AUTS2: variants seen among roughly 807,000 people sequenced by gnomAD.
The protein encoded by AUTS2 is activator of transcription and developmental regulator AUTS2.
Under a neutral mutation model 112.4 loss-of-function variants are expected in AUTS2, and 17 were observed. That is an observed-to-expected ratio of 0.15 (90% confidence interval 0.10 to 0.23). The LOEUF is 0.23. Ranked by LOEUF, AUTS2 falls within the 10% of genes least tolerant of loss-of-function variation. The pLI is 1.00. For missense variants in AUTS2, 1,510 were observed against 1,701.6 expected, an observed-to-expected ratio of 0.89 and a Z score of 1.98; for synonymous variants, 751 against 702.7, an observed-to-expected ratio of 1.07 and a Z score of -1.09.
At chr7:69,797,020 G>A (rs778971118) in intron 1 of AUTS2, among the ~76,000 whole-genome samples, 5 of 152,168 alleles carry the variant, frequency 3.3e-5, no homozygotes, top group Admixed American at 1.3e-4. Flanking sequence ...CAATGGAATC[G>A]TAAGTGTAAA....
At chr7:70,025,417 A>G (rs1043963985) in intron 2 of AUTS2, among the ~76,000 whole-genome samples, 42 of 148,950 alleles carry the variant, frequency 2.8e-4, no homozygotes, top group African/African-American at 9.9e-4. Flanking sequence ...TTTCACTTGG[A>G]TGAAAAACAT....
chr7:70,694,018 T>G lies in AUTS2; in HGVS notation c.691-4551T>G, dbSNP rs1290535237. On this transcript the variant is annotated intron_variant, in intron 5 of 18. Coordinates refer to ENST00000342771, the MANE Select transcript of AUTS2 (RefSeq NM_015570.4). The surrounding 1 kb of genome is among the most constrained non-coding windows in gnomAD (Gnocchi z 4.1). ...GAGGAGGGGCGGTGGCACCGGCGGC[T>G]CGGGCTCGGCGCGCCGAGGAAGTCC... The G allele has an allele frequency of 2.6e-5, 4 of 151,336 alleles. No homozygotes were observed. Among genetic ancestry groups the G allele is most frequent in the African/African-American group, 9.7e-5 (4 of 41,260 alleles). The allele number at this position is 151,336 out of a possible 1,614,324, so 9.4% of individuals were successfully genotyped here.
intron 5 of AUTS2, among the ~76,000 whole-genome samples, chr7:70,484,538 C>T (rs1362480071): frequency 6.6e-6 from 1 of 152,190 alleles, no homozygotes; most frequent in Admixed American, 6.5e-5. Flanking sequence ...AAGCTAGTTA[C>T]CTCCCTCCTC....
At chr7:70,560,862 A>C (rs909173439) in intron 5 of AUTS2, among the ~76,000 whole-genome samples, 1 of 152,194 alleles carries the variant, frequency 6.6e-6, no homozygotes, top group African/African-American at 2.4e-5. Context: ...TTTTTAGTGG[A>C]TTTGATTACA....
In AUTS2 at chr7:70,791,092, G is replaced by A. The variant is rs191344881; in HGVS notation, c.*96G>A. 7.8e-7 allele frequency: 1 copy of A among 1,276,724 alleles called. No individual in the cohort carries two copies. The highest frequency in any genetic ancestry group is 1.0e-6 in the Non-Finnish European group (1 of 993,462). 79.1% of individuals were successfully genotyped at this position (1,276,724 alleles called of 1,614,324 possible). A position where few individuals can be genotyped will look rare whatever the true frequency, so the allele number is the denominator to read the frequency against. On this transcript the variant is annotated 3_prime_UTR_variant, in exon 19 of 19. Transcript: ENST00000342771. ...ACTCCTGCATGGCTCACACAGACTGGGGGGGAAAGCCCCACCCCTTCCCCT... is the reference window on the plus strand; with the variant it reads ...ACTCCTGCATGGCTCACACAGACTGAGGGGGAAAGCCCCACCCCTTCCCCT...
intron 4 of AUTS2, among the ~76,000 whole-genome samples, chr7:70,331,300 A>G (rs1790734496): frequency 6.6e-6 from 1 of 152,068 alleles, no homozygotes; most frequent in Non-Finnish European, 1.5e-5. Context: ...TCCAGAATTT[A>G]TCCATTTCTT....
chr7:70,171,726 C>G (rs1424944102), intron 4 of AUTS2, among the ~76,000 whole-genome samples: 1 of 152,170 alleles, frequency 6.6e-6, no homozygotes. Context: ...TCATTTGTTC[C>G]TTCCCCATGG....
At chr7:69,901,191 T>C (rs1270976104) in intron 2 of AUTS2, among the ~76,000 whole-genome samples, 2 of 152,160 alleles carry the variant, frequency 1.3e-5, no homozygotes, top group African/African-American at 2.4e-5. Flanking sequence ...CCTGTGGTAT[T>C]TGTGACTCCT....
chr7:70,286,009 T>C (rs1222407835), intron 4 of AUTS2, among the ~76,000 whole-genome samples: 1 of 152,206 alleles, frequency 6.6e-6, no homozygotes, highest in Non-Finnish European at 1.5e-5. Flanking sequence ...CTGATATCTA[T>C]TGGCTGAGTA....
chr7:70,029,170 A>G (rs1447611347), intron 2 of AUTS2, among the ~76,000 whole-genome samples: 3 of 151,490 alleles, frequency 2.0e-5, no homozygotes, highest in Non-Finnish European at 4.4e-5. Flanking sequence ...CAGTGATAGT[A>G]TCTGCCTTGT....
chr7:69,804,696 T>C (rs1321130706), intron 1 of AUTS2, among the ~76,000 whole-genome samples: 1 of 152,232 alleles, frequency 6.6e-6, no homozygotes, highest in Non-Finnish European at 1.5e-5. Context: ...TGAGTTGTTG[T>C]CGAGAATCGT....
At chr7:69,665,892 G>C (rs1277318564) in intron 1 of AUTS2, among the ~76,000 whole-genome samples, 1 of 152,088 alleles carries the variant, frequency 6.6e-6, no homozygotes, top group Non-Finnish European at 1.5e-5. Context: ...CTATTATTGT[G>C]TGAAGTTAGG....
chr7:70,126,700 C>CAAAA (rs1805990780), intron 3 of AUTS2, among the ~76,000 whole-genome samples: 1 of 152,168 alleles, frequency 6.6e-6, no homozygotes, highest in Non-Finnish European at 1.5e-5. Context: ...TACTTAAAAA[C>CAAAA]TTTTAATAAA....
intron 5 of AUTS2, among the ~76,000 whole-genome samples, chr7:70,587,549 G>A (rs1032338737): frequency 4.6e-5 from 7 of 152,182 alleles, no homozygotes; most frequent in African/African-American, 1.7e-4. Flanking sequence ...CAGGTGATCT[G>A]TATACAGCAA....
intron 1 of AUTS2, among the ~76,000 whole-genome samples, chr7:69,867,085 T>C (rs949822403): frequency 6.6e-6 from 1 of 152,214 alleles, no homozygotes; most frequent in Non-Finnish European, 1.5e-5. Context: ...CCTGCTCTGG[T>C]GTGTCTCGTA....
chr7:70,215,804 T>C (rs1462104358), intron 4 of AUTS2, among the ~76,000 whole-genome samples: 3 of 152,182 alleles, frequency 2.0e-5, no homozygotes, highest in Non-Finnish European at 4.4e-5. Flanking sequence ...CATGATTGCT[T>C]TCTGTACATC....
intron 5 of AUTS2, among the ~76,000 whole-genome samples, chr7:70,451,284 TGG>T (rs994801592): frequency 2.0e-5 from 3 of 152,078 alleles, no homozygotes. Flanking sequence ...ACCTGGGTAA[TGG>T]GATCATTAGA....
At chr7:69,976,799 A>C (rs1354034293) in intron 2 of AUTS2, among the ~76,000 whole-genome samples, 1 of 151,910 alleles carries the variant, frequency 6.6e-6, no homozygotes, top group Non-Finnish European at 1.5e-5. Context: ...TTTGTTTTTC[A>C]TTGTTTGGTT....
At chr7:69,718,145 T>C (rs114701558) in intron 1 of AUTS2, among the ~76,000 whole-genome samples, 157 of 152,338 alleles carry the variant, frequency 1.0e-3, no homozygotes, top group African/African-American at 3.3e-3. Context: ...AAGATTATCA[T>C]TGATGAAACA....
Sources: allele counts gnomAD v4.1 joint callset (sites outside exome capture counted in the v4.1 genomes callset), GRCh38; gene constraint gnomAD v4.1.1; non-coding constraint Gnocchi (gnomAD v3.1); transcripts MANE v1.5; gene names NCBI Gene and HGNC (gene_info 2026-07-23, HGNC 2026-07-21).